CNTNAP4: variants seen among roughly 807,000 people sequenced by gnomAD.
CNTNAP4 encodes contactin associated protein family member 4, also known as contactin-associated protein-like 4.
CNTNAP4 carries 98 observed loss-of-function variants against 148.4 expected under a neutral mutation model. The ratio of observed to expected loss-of-function variants is 0.66; its 90% CI spans 0.56 to 0.78. The LOEUF (loss-of-function observed/expected upper bound fraction) is 0.78. Among genes scored for constraint, CNTNAP4 ranks in the 30% least tolerant of loss-of-function variants. The pLI, the probability that CNTNAP4 is intolerant of heterozygous loss-of-function variation, is 0.00. For missense variants in CNTNAP4, 1,935 were observed against 1,565.6 expected, an observed-to-expected ratio of 1.24 and a Z score of -3.98; for synonymous variants, 730 against 565.1, an observed-to-expected ratio of 1.29 and a Z score of -4.14.
intron 1 of CNTNAP4, among the ~76,000 whole-genome samples, chr16:76,280,357 C>G (rs1463164383): frequency 3.3e-5 from 5 of 152,094 alleles, no homozygotes; most frequent in Non-Finnish European, 5.9e-5. Flanking sequence ...TGTTCAAAGA[C>G]AAACATATAT....
chr16:76,355,134 C>T (rs1295863651), intron 2 of CNTNAP4, among the ~76,000 whole-genome samples, 184 bp from the exon 3 acceptor site: 1 of 152,188 alleles, frequency 6.6e-6, no homozygotes, highest in East Asian at 1.9e-4. Context: ...AATTAATTAA[C>T]ATAGACATCA....
intron 12 of CNTNAP4, among the ~76,000 whole-genome samples, chr16:76,486,161 G>C (rs1392727892): frequency 6.6e-6 from 1 of 152,118 alleles, no homozygotes; most frequent in Non-Finnish European, 1.5e-5. Flanking sequence ...ATTCAATGGA[G>C]ATTTTCTGCC....
At chr16:76,399,138 G>A (rs1042397536) in intron 3 of CNTNAP4, among the ~76,000 whole-genome samples, 16 of 152,116 alleles carry the variant, frequency 1.1e-4, no homozygotes, top group African/African-American at 3.9e-4. Flanking sequence ...CCAGCCATGT[G>A]GAACTGTGAG....
intron 2 of CNTNAP4, among the ~76,000 whole-genome samples, chr16:76,333,329 A>C (rs918092678): frequency 3.3e-5 from 5 of 152,174 alleles, no homozygotes; most frequent in Admixed American, 3.3e-4. Context: ...ATCTATCTCT[A>C]CATTCACTGA....
At chr16:76,372,748 A>G (rs572717133) in intron 3 of CNTNAP4, among the ~76,000 whole-genome samples, 2 of 152,302 alleles carry the variant, frequency 1.3e-5, no homozygotes, top group African/African-American at 4.8e-5. Flanking sequence ...AGTCTTGGAT[A>G]TGTCTTTATC....
chr16:76,333,108 G>A (rs1963685454), intron 2 of CNTNAP4, among the ~76,000 whole-genome samples: 1 of 152,178 alleles, frequency 6.6e-6, no homozygotes, highest in Non-Finnish European at 1.5e-5. Context: ...AGGTTTATGA[G>A]GGTTACATCT....
At chr16:76,402,858 C>A (rs896083796) in intron 3 of CNTNAP4, among the ~76,000 whole-genome samples, 1 of 151,010 alleles carries the variant, frequency 6.6e-6, no homozygotes, top group African/African-American at 2.5e-5. Context: ...TGGTTTTGAG[C>A]GATTTTTGTC....
chr16:76,526,923 C>T (rs558981904), intron 17 of CNTNAP4, among the ~76,000 whole-genome samples: 2 of 152,292 alleles, frequency 1.3e-5, no homozygotes, highest in Non-Finnish European at 2.9e-5. Flanking sequence ...CTCCACCCCC[C>T]TCAGCCTCCC....
chr16:76,442,994 C>T (rs768673705), intron 4 of CNTNAP4, among the ~76,000 whole-genome samples: 9 of 151,986 alleles, frequency 5.9e-5, no homozygotes, highest in Non-Finnish European at 8.8e-5. Context: ...GACTAAAAAG[C>T]GGGGAATTTG....
intron 13 of CNTNAP4, among the ~76,000 whole-genome samples, chr16:76,494,061 A>G (rs1176732704): frequency 3.4e-5 from 5 of 145,040 alleles, no homozygotes; most frequent in African/African-American, 1.3e-4. Flanking sequence ...TGATTCTCAG[A>G]TGACTACAAT....
intron 2 of CNTNAP4, among the ~76,000 whole-genome samples, chr16:76,345,400 C>T (rs1964819176): frequency 6.6e-6 from 1 of 152,112 alleles, no homozygotes; most frequent in African/African-American, 2.4e-5. Context: ...GATTTCCTGT[C>T]AAAGAAAAAT....
chr16:76,301,078 A>G (rs764857198), intron 1 of CNTNAP4, among the ~76,000 whole-genome samples: 35 of 152,118 alleles, frequency 2.3e-4, no homozygotes, highest in Admixed American at 6.6e-4. Flanking sequence ...CATGAAAACA[A>G]AGAAAAACTA....
chr16:76,280,869 T>A (rs1958660208), intron 1 of CNTNAP4, among the ~76,000 whole-genome samples: 2 of 152,146 alleles, frequency 1.3e-5, no homozygotes, highest in Admixed American at 1.3e-4. Flanking sequence ...TGGGGTCAAC[T>A]TACCCCAAAA....
chr16:76,374,165 A>G (rs1336063858), intron 3 of CNTNAP4, among the ~76,000 whole-genome samples: 1 of 152,202 alleles, frequency 6.6e-6, no homozygotes, highest in African/African-American at 2.4e-5. Flanking sequence ...ATTCTTTTTC[A>G]GTAAGTGAGA....
intron 3 of CNTNAP4, among the ~76,000 whole-genome samples, chr16:76,365,338 G>A (rs545673072): frequency 2.4e-4 from 37 of 152,110 alleles, no homozygotes; most frequent in Non-Finnish European, 4.4e-4. Context: ...TTTTGCTTAG[G>A]ATTATCTTGG....
intron 13 of CNTNAP4, among the ~76,000 whole-genome samples, chr16:76,494,576 T>G (rs1386652817): frequency 6.6e-6 from 1 of 152,194 alleles, no homozygotes; most frequent in Non-Finnish European, 1.5e-5. Flanking sequence ...GATGCTAACT[T>G]GTTTCAAAAT....
intron 3 of CNTNAP4, among the ~76,000 whole-genome samples, chr16:76,409,818 C>T (rs1186816277): frequency 6.6e-6 from 1 of 151,850 alleles, no homozygotes; most frequent in Non-Finnish European, 1.5e-5. Flanking sequence ...GGATGTTAAA[C>T]TCAAGTAATG....
chr16:76,337,488 G>T (rs986490819), intron 2 of CNTNAP4, among the ~76,000 whole-genome samples: 3 of 152,158 alleles, frequency 2.0e-5, no homozygotes, highest in African/African-American at 7.2e-5. Flanking sequence ...TACGAATAGG[G>T]AGTAGGTCAC....
intron 13 of CNTNAP4, among the ~76,000 whole-genome samples, chr16:76,491,893 T>A (rs1325772189): frequency 6.6e-6 from 1 of 152,106 alleles, no homozygotes; most frequent in Non-Finnish European, 1.5e-5. Flanking sequence ...TATCCATTCA[T>A]CAATGGACAC....
Sources: allele counts gnomAD v4.1 joint callset (sites outside exome capture counted in the v4.1 genomes callset), GRCh38; gene constraint gnomAD v4.1.1; transcripts MANE v1.5; gene names NCBI Gene and HGNC (gene_info 2026-07-23, HGNC 2026-07-21).